ARHGEF3: variants seen among roughly 807,000 people sequenced by gnomAD.
The protein encoded by ARHGEF3 is Rho guanine nucleotide exchange factor 3.
ARHGEF3 carries 28 observed loss-of-function variants against 63.2 expected under a neutral mutation model. The ratio of observed to expected loss-of-function variants is 0.44; its 90% CI spans 0.33 to 0.61. The LOEUF is 0.61. ARHGEF3 is among the 20% of genes least tolerant of loss of function. The pLI, the probability that ARHGEF3 is intolerant of heterozygous loss-of-function variation, is 0.03. For synonymous variants in ARHGEF3, 266 were observed against 254.2 expected (o/e 1.05, Z -0.44); for missense variants, 533 against 659.3 (o/e 0.81, Z 2.10).
At chr3:56,890,694 T>C (rs2041090261) in intron 3 of ARHGEF3, among the ~76,000 whole-genome samples, 1 of 152,186 alleles carries the variant, frequency 6.6e-6, no homozygotes, top group Non-Finnish European at 1.5e-5. Context: ...TTCCCACTTC[T>C]TTCACAGAGA....
chr3:56,850,729 A>G (rs757107136), intron 4 of ARHGEF3, among the ~76,000 whole-genome samples: 3 of 152,200 alleles, frequency 2.0e-5, no homozygotes, highest in Non-Finnish European at 4.4e-5. Context: ...CTTGGAGAGA[A>G]GCCAATTAAA....
At chr3:57,032,398 C>T (rs1036778587) in intron 2 of ARHGEF3, among the ~76,000 whole-genome samples, 19 of 152,168 alleles carry the variant, frequency 1.2e-4, no homozygotes, top group African/African-American at 4.3e-4. Context: ...CAAACATGGG[C>T]GTGATGGCCC....
Position 56,728,937 on chromosome 3 carries a change from C to T in ARHGEF3, c.*333G>A, listed in dbSNP as rs2032907183. 1 of 226,260 alleles carries T rather than the reference C, an allele frequency of 4.4e-6. No homozygotes were observed. The highest frequency in any genetic ancestry group is 2.3e-5 in the African/African-American group (1 of 43,898). The allele number at this position is 226,260 out of a possible 1,614,324, so 14.0% of individuals were successfully genotyped here. A position where few individuals can be genotyped will look rare whatever the true frequency, so the allele number is the denominator to read the frequency against. ...CAGAAGCACAAGAGGAAGGACTCTT[C>T]AAACAATCTATGTAAAACAGTAGTT... is the stretch of plus-strand genomic sequence containing the variant. On this transcript the variant is annotated 3_prime_UTR_variant, in exon 10 of 10. Coordinates refer to ENST00000296315, the MANE Select transcript of ARHGEF3 (RefSeq NM_019555.3).
chr3:56,958,187 G>T (rs1236188631), intron 3 of ARHGEF3, among the ~76,000 whole-genome samples: 2 of 152,052 alleles, frequency 1.3e-5, no homozygotes, highest in African/African-American at 4.8e-5. Context: ...GTTCCCTCCA[G>T]GTTCCAAAGA....
chr3:56,785,307 G>A (rs186020049), intron 1 of ARHGEF3, among the ~76,000 whole-genome samples: 1 of 152,214 alleles, frequency 6.6e-6, no homozygotes, highest in East Asian at 1.9e-4. Context: ...AGGCTATATT[G>A]GAAGAAAGGA....
chr3:56,884,523 C>T (rs2040861136), intron 3 of ARHGEF3, among the ~76,000 whole-genome samples: 1 of 152,194 alleles, frequency 6.6e-6, no homozygotes, highest in African/African-American at 2.4e-5. Flanking sequence ...AGCAGAATCA[C>T]CTGAGGAATG....
intron 2 of ARHGEF3, among the ~76,000 whole-genome samples, chr3:57,006,724 G>C (rs559617336): frequency 9.2e-5 from 14 of 152,182 alleles, no homozygotes; most frequent in African/African-American, 3.4e-4. Flanking sequence ...CTCGTTCAAT[G>C]TGCTGCCTGC....
intron 1 of ARHGEF3, among the ~76,000 whole-genome samples, chr3:57,077,128 G>T (rs1249763674): frequency 1.3e-5 from 2 of 152,172 alleles, no homozygotes; most frequent in African/African-American, 4.8e-5. Flanking sequence ...CTGAAAACTT[G>T]AACTCAAATG....
At chr3:56,946,055 G>A (rs563298536) in intron 3 of ARHGEF3, among the ~76,000 whole-genome samples, 9 of 152,250 alleles carry the variant, frequency 5.9e-5, no homozygotes, top group South Asian at 4.2e-4. Context: ...CAACAGACCC[G>A]CAGCTGAGGG....
chr3:56,902,937 T>C (rs1165100216), intron 3 of ARHGEF3, among the ~76,000 whole-genome samples: 1 of 152,082 alleles, frequency 6.6e-6, no homozygotes, highest in Non-Finnish European at 1.5e-5. Flanking sequence ...TGACAGCAAA[T>C]GCCACAAGAA....
chr3:56,955,176 TTTTTCTTTTTTTTTTTTTTC>T (rs996594009), intron 3 of ARHGEF3, among the ~76,000 whole-genome samples: 1 of 130,062 alleles, frequency 7.7e-6, no homozygotes, highest in Non-Finnish European at 1.7e-5. Flanking sequence ...ACACTGATCC[TTTTTCTTTTTTTTTTTTTTC>T]TTTTCTTTTT....
At chr3:56,745,569 G>T in intron 6 of ARHGEF3, 107 bp from the exon 7 acceptor site, 1 of 1,323,102 alleles carries the variant, frequency 7.6e-7, no homozygotes, top group Non-Finnish European at 1.0e-6. Context: ...TGGTCTCTGG[G>T]TCTGGCTGAC....
intron 2 of ARHGEF3, among the ~76,000 whole-genome samples, chr3:57,020,775 G>A (rs886876641): frequency 3.3e-5 from 5 of 152,154 alleles, no homozygotes; most frequent in East Asian, 3.8e-4. Context: ...ATCTACTGTC[G>A]GACCTTCCAT....
chr3:56,833,618 T>C (rs1055908640), intron 4 of ARHGEF3, among the ~76,000 whole-genome samples: 12 of 152,190 alleles, frequency 7.9e-5, no homozygotes, highest in Non-Finnish European at 2.9e-5. Context: ...ATTTACAGAT[T>C]TTCCTTTCTT....
At chr3:56,801,591 T>C in intron 1 of ARHGEF3, 112 bp downstream of exon 1, 2 of 1,315,582 alleles carry the variant, frequency 1.5e-6, no homozygotes, top group Non-Finnish European at 2.0e-6. Context: ...ACACGGAGAG[T>C]GAGAGATGGA....
At chr3:57,028,435 C>T (rs1309496857) in intron 2 of ARHGEF3, among the ~76,000 whole-genome samples, 170 of 97,666 alleles carry the variant, frequency 1.7e-3, no homozygotes, top group Non-Finnish European at 2.5e-3. Context: ...AGTAAACTAT[C>T]GCAAGAACAA....
At chr3:56,954,334 A>C (rs1355949563) in intron 3 of ARHGEF3, among the ~76,000 whole-genome samples, 1 of 151,980 alleles carries the variant, frequency 6.6e-6, no homozygotes, top group East Asian at 1.9e-4. Context: ...CAACAGGAGG[A>C]GCTGCAGCAA....
At chr3:56,896,934 C>T (rs1048691189) in intron 3 of ARHGEF3, among the ~76,000 whole-genome samples, 2 of 152,198 alleles carry the variant, frequency 1.3e-5, no homozygotes, top group African/African-American at 4.8e-5. Context: ...AATTTCTCTA[C>T]TGGAAAGTTA....
At chr3:56,934,759 G>A (rs1292708493) in intron 3 of ARHGEF3, among the ~76,000 whole-genome samples, 2 of 152,234 alleles carry the variant, frequency 1.3e-5, no homozygotes, top group Non-Finnish European at 2.9e-5. Flanking sequence ...CCACTCCATG[G>A]GCTCCTGTGC....
Sources: allele counts gnomAD v4.1 joint callset (sites outside exome capture counted in the v4.1 genomes callset), GRCh38; gene constraint gnomAD v4.1.1; transcripts MANE v1.5; gene names NCBI Gene and HGNC (gene_info 2026-07-23, HGNC 2026-07-21).